TEX9: variants seen among roughly 807,000 people sequenced by gnomAD.
TEX9 encodes the protein testis expressed 9, also known as testis-expressed protein 9.
In TEX9, 74 loss-of-function variants were observed where a neutral mutation model predicts 59.6. The ratio of observed to expected loss-of-function variants is 1.24; its 90% CI spans 1.03 to 1.51. TEX9 has a LOEUF of 1.51. Ranked by LOEUF, TEX9 falls within the 40% of genes most tolerant of loss-of-function variation. The pLI is 0.00. For synonymous variants in TEX9, 186 were observed against 152.2 expected, an observed-to-expected ratio of 1.22 and a Z score of -1.64; for missense variants, 522 against 447.8, an observed-to-expected ratio of 1.17 and a Z score of -1.49.
At chr15:56,397,644 A>T (rs1782330634) in intron 9 of TEX9, 1 of 152,078 alleles carries the variant, frequency 6.6e-6, no homozygotes, top group South Asian at 2.1e-4. Context: ...GTCTTGGGGT[A>T]GAATATGGTT....
chr15:56,424,194 C>G (rs2050133817), intron 10 of TEX9, among the ~76,000 whole-genome samples: 1 of 152,126 alleles, frequency 6.6e-6, no homozygotes, highest in Non-Finnish European at 1.5e-5. Context: ...TATCTATCTT[C>G]TTGCTGAACT....
At chr15:56,328,658 A>G (rs1450261626) in intron 1 of TEX9, among the ~76,000 whole-genome samples, 1 of 152,166 alleles carries the variant, frequency 6.6e-6, no homozygotes, top group East Asian at 1.9e-4. Flanking sequence ...AGCTTCAAGG[A>G]CCTGTGGTAG....
intron 1 of TEX9, among the ~76,000 whole-genome samples, chr15:56,326,214 C>G (rs139674125): frequency 6.6e-6 from 1 of 152,150 alleles, no homozygotes; most frequent in Non-Finnish European, 1.5e-5. Context: ...AAATCCTTCT[C>G]CTTGTAACTT....
At chr15:56,309,709 T>G (rs948136840) in intron 1 of TEX9, among the ~76,000 whole-genome samples, 5 of 132,578 alleles carry the variant, frequency 3.8e-5, no homozygotes, top group Middle Eastern at 3.6e-3. Context: ...TTTTTTTTTT[T>G]TTTTTTTTTT....
At chr15:56,306,257 C>CGAAAAA (rs2045481083) in intron 1 of TEX9, among the ~76,000 whole-genome samples, 1 of 79,450 alleles carries the variant, frequency 1.3e-5, no homozygotes, top group Non-Finnish European at 2.3e-5. Context: ...AGGTACATAG[C>CGAAAAA]AAAAAAAAAA....
intron 7 of TEX9, among the ~76,000 whole-genome samples, chr15:56,393,000 G>A (rs1416964070): frequency 6.6e-6 from 1 of 152,122 alleles, no homozygotes; most frequent in Non-Finnish European, 1.5e-5. Context: ...GGTAATTTGG[G>A]AGCACAGATT....
In TEX9 at chr15:56,389,809, T is replaced by C. The variant is rs192452624; in HGVS notation, c.395+409T>C. On this transcript the variant is annotated intron_variant, in intron 6 of 12. Coordinates refer to ENST00000352903, the Ensembl canonical transcript of TEX9. ...TGTTGAGCTACAGAATGATTTGGCA[T>C]GCTCTAAATAGGACTATAATATAAT... Among the ~76,000 whole-genome samples the C allele has an allele frequency of 2.4e-4, 36 of 152,056 alleles. No homozygotes were observed. The Middle Eastern group carries it at 0.02, about 86-fold the overall frequency.
intron 10 of TEX9, chr15:56,421,580 C>T (rs1206295677): frequency 6.6e-6 from 1 of 151,582 alleles, no homozygotes; most frequent in Non-Finnish European, 1.5e-5. Context: ...TTTGTAACTC[C>T]TTTGTGTCTT....
chr15:56,293,353 G>C (rs1275558940), intron 1 of TEX9, among the ~76,000 whole-genome samples: 1 of 151,868 alleles, frequency 6.6e-6, no homozygotes, highest in Non-Finnish European at 1.5e-5. Context: ...AAAAAAGACA[G>C]TCCCTTCTTT....
chr15:56,371,295 A>T (rs554103528), intron 2 of TEX9, among the ~76,000 whole-genome samples: 1 of 152,024 alleles, frequency 6.6e-6, no homozygotes, highest in South Asian at 2.1e-4. Context: ...TAATTCACTC[A>T]TTCCTTCTAT....
chr15:56,414,095 AAATG>A (rs1345312246), intron 10 of TEX9, among the ~76,000 whole-genome samples: 2 of 151,862 alleles, frequency 1.3e-5, no homozygotes, highest in East Asian at 3.8e-4. Context: ...ATTTTGAAGA[AAATG>A]AAGAATAACC....
chr15:56,300,685 CAGAG>C (rs71110380), intron 1 of TEX9, among the ~76,000 whole-genome samples: 3 of 115,632 alleles, frequency 2.6e-5, no homozygotes, highest in Non-Finnish European at 5.0e-5. Context: ...AGCAACTCAG[CAGAG>C]AGAGAGAGAG....
chr15:56,431,726 C>A (rs536621287), intron 12 of TEX9, among the ~76,000 whole-genome samples: 62 of 151,878 alleles, frequency 4.1e-4, no homozygotes, highest in African/African-American at 1.4e-3. Flanking sequence ...AGGAGGCAAA[C>A]AAATATTTTC....
At chr15:56,426,993 G>A (rs1472743725) in intron 10 of TEX9, among the ~76,000 whole-genome samples, 1 of 151,970 alleles carries the variant, frequency 6.6e-6, no homozygotes, top group African/African-American at 2.4e-5. Context: ...ATGGTATTTA[G>A]ATGTCTGCCA....
chr15:56,321,127 C>T (rs2045891944), intron 1 of TEX9, among the ~76,000 whole-genome samples: 1 of 152,142 alleles, frequency 6.6e-6, no homozygotes, highest in Non-Finnish European at 1.5e-5. Flanking sequence ...CTGTGTGATT[C>T]ATGGGTCAGA....
intron 4 of TEX9, among the ~76,000 whole-genome samples, chr15:56,385,120 T>A (rs1314348796): frequency 6.6e-6 from 1 of 152,200 alleles, no homozygotes; most frequent in Non-Finnish European, 1.5e-5. Flanking sequence ...TCTTTCCCCA[T>A]TGAATGTTCT....
At chr15:56,435,675 T>A (rs550722287) in intron 12 of TEX9, among the ~76,000 whole-genome samples, 6 of 152,160 alleles carry the variant, frequency 3.9e-5, no homozygotes, top group African/African-American at 1.4e-4. Context: ...ACGGAATTAA[T>A]AACTTAAAAT....
intron 12 of TEX9, among the ~76,000 whole-genome samples, chr15:56,443,208 A>G (rs955363524): frequency 6.6e-6 from 1 of 152,202 alleles, no homozygotes; most frequent in East Asian, 1.9e-4. Flanking sequence ...GTGATTACAG[A>G]CAACATAGTT....
the TEX9 span, among the ~76,000 whole-genome samples, chr15:56,460,009 A>ATACATATATATATAT: frequency 7.6e-5 from 2 of 26,386 alleles, no homozygotes; most frequent in African/African-American, 3.0e-4. Context: ...AAAAAAAAAA[A>ATACATATATATATAT]ATACATATAT....
Sources: gnomAD v4.1 joint callset for allele counts (sites outside exome capture counted in the v4.1 genomes callset) on GRCh38, gnomAD v4.1.1 for gene constraint, MANE v1.5 for transcripts, NCBI Gene and HGNC (gene_info 2026-07-23, HGNC 2026-07-21) for gene names.